ESYT2: variants seen among roughly 807,000 people sequenced by gnomAD.
The protein encoded by ESYT2 is extended synaptotagmin 2, also known as extended synaptotagmin-2.
A neutral mutation model predicts 107.2 loss-of-function variants in ESYT2; 54 were observed. That is an observed-to-expected ratio of 0.50 (90% confidence interval 0.40 to 0.63). The LOEUF is 0.63. ESYT2 is among the 30% of genes least tolerant of loss of function. The probability of loss-of-function intolerance (pLI) is 0.00; values close to 1 mark genes in which losing one functional copy is unlikely to be tolerated. For synonymous variants in ESYT2, 491 were observed against 434.1 expected, an observed-to-expected ratio of 1.13 and a Z score of -1.63; for missense variants, 1,020 against 1,094.5, an observed-to-expected ratio of 0.93 and a Z score of 0.96.
chr7:158,802,550 G>A (rs1011390294), intron 1 of ESYT2, among the ~76,000 whole-genome samples: 1 of 152,118 alleles, frequency 6.6e-6, no homozygotes, highest in East Asian at 1.9e-4. Context: ...AAAAGTGCTG[G>A]GATTACAGGC....
At chr7:158,740,801 G>A (rs1425884785) in intron 18 of ESYT2, among the ~76,000 whole-genome samples, 1 of 152,172 alleles carries the variant, frequency 6.6e-6, no homozygotes, top group African/African-American at 2.4e-5. Flanking sequence ...GGCTGTGCAA[G>A]CTCCACAGTC....
In ESYT2 at chr7:158,818,015, A is replaced by G. The variant is rs536249292; in HGVS notation, c.330+11074T>C. On this transcript the variant is annotated intron_variant, in intron 1 of 22. Transcript: ENST00000275418. ...TACCTTACTCTGGGAAACTTAAAAC[A>G]TATCAATCCCTCAGACAGGAAACAA... is the stretch of plus-strand genomic sequence containing the variant. 2.0e-5 allele frequency among the ~76,000 whole-genome samples: 3 copies of G among 152,336 alleles called. No individual in the cohort carries two copies. In the South Asian group the frequency reaches 6.2e-4, roughly 32 times the overall value.
In ESYT2 at chr7:158,748,099, C is replaced by T; in HGVS notation, c.1644+95G>A. On this transcript the variant is annotated intron_variant, in intron 16 of 22. Coordinates refer to ENST00000275418, the MANE Select transcript of ESYT2 (RefSeq NM_001367773.1). ...ATTGTCCTGATTCTGGCGATGGATC[C>T]CCAGGTGTATACACGGGTCACAACT... 4 of 1,103,718 alleles carry T rather than the reference C, an allele frequency of 3.6e-6. No individual in the cohort carries two copies. In the South Asian group the frequency reaches 4.1e-5, roughly 11 times the overall value. The allele number at this position is 1,103,718 out of a possible 1,614,324, so 68.4% of individuals were successfully genotyped here.
At position 158,767,817 on chromosome 7, in the gene ESYT2, T is replaced by C. The variant is rs550028375; in HGVS notation, c.804-43A>G. ...AAAAGAGCAAACGGACTATCAGACA[T>C]GTGAATGCTTCTCTCACCTTTGACA... is the stretch of plus-strand genomic sequence containing the variant. On this transcript the variant is annotated intron_variant, in intron 7 of 22. Transcript: ENST00000275418. 7.0e-5 allele frequency: 110 copies of C among 1,582,696 alleles called. No homozygotes were observed. In the South Asian group the frequency reaches 1.3e-3, roughly 18 times the overall value.
At chr7:158,755,940 AAAC>A (rs933219422) in intron 13 of ESYT2, among the ~76,000 whole-genome samples, 1 of 152,232 alleles carries the variant, frequency 6.6e-6, no homozygotes, top group Non-Finnish European at 1.5e-5. Context: ...TGTGTGCAGC[AAAC>A]AACATGGCAC....
At chr7:158,750,498 A>G (rs1837547789) in intron 14 of ESYT2, among the ~76,000 whole-genome samples, 2 of 152,190 alleles carry the variant, frequency 1.3e-5, no homozygotes, top group African/African-American at 2.4e-5. Flanking sequence ...TTTTTGAGTT[A>G]AATAATTTTA....
chr7:158,781,975 AGT>A lies in ESYT2; in HGVS notation c.747+6027_747+6028del, dbSNP rs1292401905. Among the ~76,000 whole-genome samples the A allele has an allele frequency of 3.0e-3, 63 of 21,160 alleles. 1 individual carries two copies. The highest frequency in any genetic ancestry group is 3.5e-3 in the East Asian group (2 of 566). The allele number at this position is 21,160 out of a possible 152,430, so 13.9% of individuals were successfully genotyped here. On this transcript the variant is annotated intron_variant, in intron 6 of 22. Coordinates refer to ENST00000275418, the MANE Select transcript of ESYT2 (RefSeq NM_001367773.1). ...CAAGTGTGAACGAGTGTGAGAACAA[AGT>A]GTGAGATGTGTGTAATTACGAGAAC...
At chr7:158,796,081 T>C (rs200854862) in intron 3 of ESYT2, among the ~76,000 whole-genome samples, 2 of 152,150 alleles carry the variant, frequency 1.3e-5, no homozygotes, top group African/African-American at 2.4e-5. Flanking sequence ...TGCCAGACCC[T>C]CCCACAGCCA....
chr7:158,775,587 C>T (rs1339132382), intron 6 of ESYT2, among the ~76,000 whole-genome samples: 2 of 152,160 alleles, frequency 1.3e-5, no homozygotes, highest in African/African-American at 4.8e-5. Context: ...AGCAATTTCT[C>T]GTCCTTAAAC....
intron 1 of ESYT2, among the ~76,000 whole-genome samples, chr7:158,805,943 G>A (rs984520013): frequency 9.2e-5 from 14 of 152,230 alleles, no homozygotes; most frequent in Admixed American, 2.0e-4. Context: ...TCTTAACAGT[G>A]TAAAATAAGG....
rs1007872339 is a variant in ESYT2 at position 158,814,637 on chromosome 7, G to A, written c.330+14452C>T. Among the ~76,000 whole-genome samples the A allele has an allele frequency of 2.6e-5, 4 of 152,132 alleles. No individual in the cohort carries two copies. The East Asian group carries it at 5.8e-4, about 22-fold the overall frequency. On this transcript the variant is annotated intron_variant, in intron 1 of 22. Coordinates refer to ENST00000275418, the MANE Select transcript of ESYT2 (RefSeq NM_001367773.1). ...TAAAACACCCAGAGAAACTCCCACTGGCTAACAAGGTGGTGGCTTATTCAC... is the reference window on the plus strand; with the variant it reads ...TAAAACACCCAGAGAAACTCCCACTAGCTAACAAGGTGGTGGCTTATTCAC...
chr7:158,796,840 C>T (rs1839474020), intron 3 of ESYT2, among the ~76,000 whole-genome samples: 2 of 151,794 alleles, frequency 1.3e-5, no homozygotes, highest in South Asian at 2.1e-4. Context: ...GAGAGGGCAA[C>T]AAGACAGCCT....
chr7:158,819,176 G>A (rs1840224568), intron 1 of ESYT2, among the ~76,000 whole-genome samples: 1 of 152,242 alleles, frequency 6.6e-6, no homozygotes, highest in African/African-American at 2.4e-5. Flanking sequence ...GACAAAAAGA[G>A]ATAGGGATAA....
intron 13 of ESYT2, among the ~76,000 whole-genome samples, chr7:158,756,698 C>T (rs1004610238): frequency 1.3e-5 from 2 of 151,980 alleles, no homozygotes; most frequent in East Asian, 1.9e-4. Flanking sequence ...TGCCTGAGAT[C>T]AGGAGTTGGA....
chr7:158,761,228 T>A (rs1037885597), intron 11 of ESYT2, among the ~76,000 whole-genome samples: 3 of 152,228 alleles, frequency 2.0e-5, no homozygotes, highest in Non-Finnish European at 4.4e-5. Context: ...TTGTCTGCAA[T>A]AACGTCAGTT....
intron 20 of ESYT2, among the ~76,000 whole-genome samples, chr7:158,736,755 C>A (rs1836970044): frequency 6.6e-6 from 1 of 152,182 alleles, no homozygotes; most frequent in African/African-American, 2.4e-5. Context: ...TAAGTGTCAA[C>A]AGATATAACC....
chr7:158,810,744 T>C (rs1839971343), intron 1 of ESYT2, among the ~76,000 whole-genome samples: 3 of 151,874 alleles, frequency 2.0e-5, no homozygotes, highest in Admixed American at 6.6e-5. Context: ...TTACATGGGA[T>C]GTCCAGAAGG....
Position 158,743,519 on chromosome 7 carries a change from G to A in ESYT2, c.1794+10C>T, listed in dbSNP as rs771156780. The A allele has an allele frequency of 3.5e-5, 56 of 1,606,162 alleles. No individual in the cohort carries two copies. Among genetic ancestry groups the A allele is most frequent in the East Asian group, 6.8e-5 (3 of 43,832 alleles). Reference sequence around the variant, plus strand: ...TCCCCTATGGTGTTCACTGCAGGACGACACGATACCCGCAGGGCAATCTTC... The same window carrying A: ...TCCCCTATGGTGTTCACTGCAGGACAACACGATACCCGCAGGGCAATCTTC... On this transcript the variant is annotated intron_variant, in intron 17 of 22. Transcript: ENST00000275418.
chr7:158,829,484 G>A lies in ESYT2; in HGVS notation c.-66C>T, dbSNP rs1161744443. 8.1e-7 allele frequency: 1 copy of A among 1,227,692 alleles called. No homozygotes were observed. The highest frequency in any genetic ancestry group is 1.0e-6 in the Non-Finnish European group (1 of 984,732). The allele number at this position is 1,227,692 out of a possible 1,614,324, so 76.0% of individuals were successfully genotyped here. A position where few individuals can be genotyped will look rare whatever the true frequency, so the allele number is the denominator to read the frequency against. ...TGGGTGCTCGCGCTGATCCCGGGCG[G>A]CTCAGCCCCGCGCCAGCGCCCCTCT... On this transcript the variant is annotated 5_prime_UTR_variant, in exon 1 of 23. Coordinates refer to ENST00000275418, the MANE Select transcript of ESYT2 (RefSeq NM_001367773.1).
Sources: gnomAD v4.1 joint callset for allele counts (sites outside exome capture counted in the v4.1 genomes callset) on GRCh38, gnomAD v4.1.1 for gene constraint, MANE v1.5 for transcripts, NCBI Gene and HGNC (gene_info 2026-07-23, HGNC 2026-07-21) for gene names.